Variants in MAGEA12 observed in about 807,000 individuals in gnomAD.
MAGEA12 encodes melanoma-associated antigen 12.
For missense variants in MAGEA12, 235 were observed against 240.1 expected, an observed-to-expected ratio of 0.98 and a Z score of 0.14; for synonymous variants, 135 against 104.7, an observed-to-expected ratio of 1.29 and a Z score of -1.77.
At chrX:152,734,126 C>A (rs1281948358) in intron 1 of MAGEA12, 1 of 89,819 alleles carries the variant, frequency 1.1e-5, no homozygotes, top group African/African-American at 3.8e-5. Flanking sequence ...CAAGAGGGGA[C>A]TGAGGGTAAC....
chrX:152,735,546 C>T (rs781939229), intron 2 of MAGEA12, among the ~76,000 whole-genome samples: 1 of 112,361 alleles, frequency 8.9e-6, no homozygotes, highest in East Asian at 2.8e-4. Flanking sequence ...GGACATCTCT[C>T]ATTGTCCTTT....
Position 152,736,948 on chromosome X carries a change from G to T in MAGEA12, c.787G>T (p.Gly263Cys), listed in dbSNP as rs782010955. The change falls in exon 3 of 3, where the codon GGC becomes TGC. Residue 263 changes from glycine to cysteine, a missense_variant. By Grantham distance (159) the Gly-to-Cys change is radical. Coordinates refer to ENST00000393869, the MANE Select transcript of MAGEA12 (RefSeq NM_001166387.4). ...CTACCTGGAGTACCGGCAGGTCCCC[G>T]GCAGTGATCCTGCATGCTACGAGTT... is the stretch of plus-strand genomic sequence containing the variant. ...ENYLEYRQVPGSDPACYEFLW... is the reference protein window; with the variant it reads ...ENYLEYRQVPCSDPACYEFLW... The T allele has an allele frequency of 1.7e-6, 2 of 1,210,375 alleles. No individual in the cohort carries two copies. Among genetic ancestry groups the T allele is most frequent in the Admixed American group, 2.2e-5 (1 of 45,844 alleles).
intron 2 of MAGEA12, among the ~76,000 whole-genome samples, chrX:152,735,838 GA>G (rs1387065846): frequency 9.0e-6 from 1 of 111,634 alleles, no homozygotes; most frequent in African/African-American, 3.3e-5. Flanking sequence ...CCTCTCCCAG[GA>G]ATCAGGAGTT....
At position 152,736,441 on chromosome X, in the gene MAGEA12, G is replaced by C. The variant is rs1932326719; in HGVS notation, c.280G>C (p.Gly94Arg). 8.3e-7 allele frequency: 1 copy of C among 1,210,116 alleles called. No individual in the cohort carries two copies. Among genetic ancestry groups the C allele is most frequent in the South Asian group, 1.8e-5 (1 of 56,754 alleles). The stretch of plus-strand genomic sequence containing the variant: ...GGGCTCCAGCAACGAAGAACAGGAA[G>C]GGCCAAGCACCTTTCCTGACCTGGA... ...DEGSSNEEQE[G>R]PSTFPDLETS... Residue 94 changes from glycine to arginine, a missense_variant, in exon 3 of 3, where the codon GGG becomes CGG. Transcript: ENST00000393869.
chrX:152,734,408 G>A (rs1417650848), intron 1 of MAGEA12, among the ~76,000 whole-genome samples: 2 of 111,481 alleles, frequency 1.8e-5, no homozygotes, highest in South Asian at 7.5e-4. Flanking sequence ...GGGAAGCAGA[G>A]GATGGGCCCA....
At position 152,737,101 on chromosome X, in the gene MAGEA12, G is replaced by C; in HGVS notation, c.940G>C (p.Glu314Gln). The change falls in exon 3 of 3, where the codon GAG (glutamate) becomes CAG (glutamine). Residue 314 changes from glutamate (E) to glutamine (Q), a missense_variant. By Grantham distance (29) the Glu-to-Gln change is conservative. Transcript: ENST00000393869. ...TGAATGGGCTTTTAGAGAGGGGGAA[G>C]AGTGAGTCTGAGCACGAGTTGCAGC... ...LHEWAFREGE[E>Q] 1 of 1,209,636 alleles carries C rather than the reference G, an allele frequency of 8.3e-7. No individual in the cohort carries two copies. Among genetic ancestry groups the C allele is most frequent in the Non-Finnish European group, 1.1e-6 (1 of 893,744 alleles).
Position 152,736,377 on chromosome X carries a change from C to A in MAGEA12, c.216C>A (p.Pro72=), listed in dbSNP as rs782361179. The change falls in exon 3 of 3, where the codon CCC becomes CCA. Residue 72 remains proline, a synonymous_variant. Coordinates refer to ENST00000393869, the MANE Select transcript of MAGEA12 (RefSeq NM_001166387.4). ...GTCCTCAGGGAGCCTCCACCCTCCC[C>A]ACTACCATCAACTATACTCTCTGGA... The part of the protein sequence containing the change: ...PHSPQGASTL[P]TTINYTLWSQ... 5 of 1,211,531 alleles carry A rather than the reference C, an allele frequency of 4.1e-6. No homozygotes were observed. Among genetic ancestry groups the A allele is most frequent in the East Asian group, 3.0e-5 (1 of 33,818 alleles).
intron 2 of MAGEA12, among the ~76,000 whole-genome samples, 157 bp from the exon 3 acceptor site, chrX:152,735,930 C>T (rs1313786258): frequency 1.8e-5 from 2 of 112,706 alleles, no homozygotes; most frequent in Non-Finnish European, 3.8e-5. Context: ...AGTGCCAACA[C>T]TGAAGGTTTG....
Position 152,736,853 on chromosome X carries a change from C to G in MAGEA12, c.692C>G (p.Ser231Cys), listed in dbSNP as rs782075320. 6 of 1,210,087 alleles carry G rather than the reference C, an allele frequency of 5.0e-6. No homozygotes were observed. The highest frequency in any genetic ancestry group is 4.4e-5 in the Admixed American group (2 of 45,795). ...GAGGAGCTGAGTGTGTTGGAGGCAT[C>G]TGATGGGAGGGAGGACAGTGTCTTT... ...IWEELSVLEA[S>C]DGREDSVFAH... The change falls in exon 3 of 3, where the codon TCT (serine) becomes TGT (cysteine). Residue 231 changes from serine (S) to cysteine (C), a missense_variant. Transcript: ENST00000393869.
rs16996512 is a variant in MAGEA12 at position 152,736,332 on chromosome X, G to C, written c.171G>C (p.Glu57Asp). 6,251 of 1,209,048 alleles carry C rather than the reference G, an allele frequency of 5.2e-3. 212 individuals are homozygous for C. The African/African-American group carries it at 0.094, about 18-fold the overall frequency. ...EVTLREVPAA[E>D]SPSPPHSPQG... is the part of the protein sequence containing the mutation. The stretch of plus-strand genomic sequence containing the variant: ...CCCTGCGGGAGGTGCCTGCTGCCGA[G>C]TCACCAAGTCCTCCCCACAGTCCTC... Residue 57 changes from glutamate (E) to aspartate (D), a missense_variant, in exon 3 of 3, where the codon GAG (glutamate) becomes GAC (aspartate). Coordinates refer to ENST00000393869, the MANE Select transcript of MAGEA12 (RefSeq NM_001166387.4).
rs185893718 is a variant in MAGEA12, at chrX:152,736,922, A to G, written c.761A>G (p.Asn254Ser). The change falls in exon 3 of 3, where the codon AAC becomes AGC. Residue 254 changes from asparagine (N) to serine (S), a missense_variant. Physicochemically the swap from Asn to Ser is conservative, Grantham distance 46. Coordinates refer to ENST00000393869, the MANE Select transcript of MAGEA12 (RefSeq NM_001166387.4). ...CTCACCCAAGATTTGGTGCAGGAAA[A>G]CTACCTGGAGTACCGGCAGGTCCCC... ...KLLTQDLVQENYLEYRQVPGS... is the reference protein window; with the variant it reads ...KLLTQDLVQESYLEYRQVPGS... 9.1e-6 allele frequency: 11 copies of G among 1,210,328 alleles called. No homozygotes were observed. Among genetic ancestry groups the G allele is most frequent in the African/African-American group, 7.0e-5 (4 of 57,219 alleles).
intron 2 of MAGEA12, among the ~76,000 whole-genome samples, chrX:152,735,665 G>A (rs2124974618): frequency 8.9e-6 from 1 of 112,243 alleles, no homozygotes; most frequent in Non-Finnish European, 1.9e-5. Context: ...CAGCAAAAGG[G>A]CGGTATTAGG....
Position 152,736,571 on chromosome X carries a change from G to A in MAGEA12, c.410G>A (p.Gly137Glu), listed in dbSNP as rs1556225845. The A allele has an allele frequency of 5.8e-6, 7 of 1,211,892 alleles. No homozygotes were observed. The highest frequency in any genetic ancestry group is 3.5e-5 in the South Asian group (2 of 56,990). Residue 137 changes from glycine to glutamate, a missense_variant, in exon 3 of 3, where the codon GGG (glycine) becomes GAG (glutamate). By Grantham distance (98) the Gly-to-Glu change is moderately conservative. Coordinates refer to ENST00000393869, the MANE Select transcript of MAGEA12 (RefSeq NM_001166387.4). ...REPFTKAEML[G>E]SVIRNFQDFF... ...CCATTCACAAAGGCAGAAATGCTGGGGAGTGTCATCAGAAATTTCCAGGAC... is the reference window on the plus strand; with the variant it reads ...CCATTCACAAAGGCAGAAATGCTGGAGAGTGTCATCAGAAATTTCCAGGAC...
chrX:152,734,143 C>CT (rs1932240094), intron 1 of MAGEA12: 3 of 89,874 alleles, frequency 3.3e-5, no homozygotes, highest in Non-Finnish European at 4.7e-5. Flanking sequence ...TAACCCCCCG[C>CT]ACCCCCACCA....
At position 152,737,306 on chromosome X, in the gene MAGEA12, A is replaced by G. The variant is rs781805718; in HGVS notation, c.*200A>G. The G allele has an allele frequency of 2.0e-4, 105 of 538,235 alleles. 1 individual carries two copies. Among genetic ancestry groups the G allele is most frequent in the Non-Finnish European group, 1.6e-4 (48 of 304,829 alleles). 44.4% of individuals were successfully genotyped at this position (538,235 alleles called of 1,213,427 possible). A position where few individuals can be genotyped will look rare whatever the true frequency, so the allele number is the denominator to read the frequency against. On this transcript the variant is annotated 3_prime_UTR_variant, in exon 3 of 3. Transcript: ENST00000393869. ...AGATTTATCTTTGTTTCCTGTTGGA[A>G]TTGTTCAAATGTTCCTTTTAACGGA...
In MAGEA12 at chrX:152,736,707, G is replaced by C; in HGVS notation, c.546G>C (p.Leu182=). 4.1e-6 allele frequency: 5 copies of C among 1,212,037 alleles called. No homozygotes were observed. Among genetic ancestry groups the C allele is most frequent in the Non-Finnish European group, 5.6e-6 (5 of 895,608 alleles). Residue 182 remains leucine (L), a synonymous_variant, in exon 3 of 3, where the codon CTG becomes CTC. Transcript: ENST00000393869. ...IGHLYILVTC[L]GLSYDGLLGD... ...ACTTGTACATCCTTGTCACCTGCCT[G>C]GGCCTCTCCTACGATGGCCTGCTGG...
In MAGEA12 at chrX:152,736,083, T is replaced by G; in HGVS notation, c.-75-4T>G. 9.4e-7 allele frequency: 1 copy of G among 1,068,995 alleles called. No individual in the cohort carries two copies. The highest frequency in any genetic ancestry group is 1.3e-6 in the Non-Finnish European group (1 of 789,853). The allele number at this position is 1,068,995 out of a possible 1,213,427, so 88.1% of individuals were successfully genotyped here. ...CTGAGGCGCCCTCTCACTTGTTCCT[T>G]CAGGTTCTGAGGAGACAGGCCCCGG... On this transcript the variant is annotated splice_region_variant and splice_polypyrimidine_tract_variant and intron_variant, in intron 2 of 2. Transcript: ENST00000393869.
At position 152,733,877 on chromosome X, in the gene MAGEA12, G is replaced by C. The variant is rs1208131821; in HGVS notation, c.-182+18G>C. 9.0e-6 allele frequency: 1 copy of C among 110,684 alleles called. No individual in the cohort carries two copies. The highest frequency in any genetic ancestry group is 1.9e-5 in the Non-Finnish European group (1 of 52,824). 9.1% of individuals were successfully genotyped at this position (110,684 alleles called of 1,213,427 possible). ...GAGGCAAGGTAAGATGCCGAGGGAGGACTGAGGCGGGCCTCACCCCAGACA... is the reference window on the plus strand; with the variant it reads ...GAGGCAAGGTAAGATGCCGAGGGAGCACTGAGGCGGGCCTCACCCCAGACA... On this transcript the variant is annotated intron_variant, in intron 1 of 2. Coordinates refer to ENST00000393869, the MANE Select transcript of MAGEA12 (RefSeq NM_001166387.4).
chrX:152,736,480 G>A lies in MAGEA12; in HGVS notation c.319G>A (p.Val107Ile). 2.5e-6 allele frequency: 3 copies of A among 1,211,904 alleles called. No homozygotes were observed. The highest frequency in any genetic ancestry group is 1.8e-5 in the South Asian group (1 of 56,972). The change falls in exon 3 of 3, where the codon GTA becomes ATA. Residue 107 changes from valine to isoleucine, a missense_variant. Val to Ile is a conservative substitution (Grantham distance 29). Transcript: ENST00000393869. The part of the protein sequence containing the change: ...TFPDLETSFQ[V>I]ALSRKMAELV... ...TCCTGACCTGGAGACGAGCTTCCAA[G>A]TAGCACTCAGTAGGAAGATGGCTGA...
Sources: gnomAD v4.1 joint callset for allele counts (sites outside exome capture counted in the v4.1 genomes callset) on GRCh38, gnomAD v4.1.1 for gene constraint, MANE v1.5 for transcripts, NCBI Gene and HGNC (gene_info 2026-07-23, HGNC 2026-07-21) for gene names.